TMEM178B: variants seen among roughly 807,000 people sequenced by gnomAD.
TMEM178B encodes the protein transmembrane protein 178B.
Under a neutral mutation model 31.0 loss-of-function variants are expected in TMEM178B, and 5 were observed. The observed-to-expected ratio is 0.16, with a 90% CI of 0.08 to 0.34. The LOEUF (loss-of-function observed/expected upper bound fraction) is 0.34, where lower values mean the gene tolerates loss of function less well. Among genes scored for constraint, TMEM178B ranks in the 10% least tolerant of loss-of-function variants. TMEM178B has a pLI of 1.00. For synonymous variants in TMEM178B, 164 were observed against 164.0 expected (o/e 1.00, Z 0.00); for missense variants, 275 against 400.3 (o/e 0.69, Z 2.67).
intron 2 of TMEM178B, among the ~76,000 whole-genome samples, chr7:141,266,861 T>A (rs950140062): frequency 3.3e-5 from 5 of 152,234 alleles, no homozygotes; most frequent in Non-Finnish European, 7.3e-5. Flanking sequence ...AGACCTGAGT[T>A]AGGGAGCATT....
intron 2 of TMEM178B, among the ~76,000 whole-genome samples, chr7:141,224,054 A>G (rs945223436): frequency 2.6e-5 from 4 of 152,142 alleles, no homozygotes; most frequent in African/African-American, 9.7e-5. Flanking sequence ...TTCTCATTGT[A>G]GTGAATAAGT....
At chr7:141,114,620 G>A (rs1453554619) in intron 1 of TMEM178B, among the ~76,000 whole-genome samples, 1 of 152,210 alleles carries the variant, frequency 6.6e-6, no homozygotes, top group Non-Finnish European at 1.5e-5. Context: ...TATTCTATTT[G>A]TCTCTTTCCA....
At chr7:141,246,025 A>G (rs1213650437) in intron 2 of TMEM178B, among the ~76,000 whole-genome samples, 1 of 152,136 alleles carries the variant, frequency 6.6e-6, no homozygotes, top group African/African-American at 2.4e-5. Context: ...AATTCCAACC[A>G]AACCTGTAAA....
chr7:141,282,151 A>G (rs994864345), intron 2 of TMEM178B, among the ~76,000 whole-genome samples: 1 of 152,202 alleles, frequency 6.6e-6, no homozygotes, highest in Non-Finnish European at 1.5e-5. Context: ...GAGCAGAACA[A>G]GAGGCACTCT....
chr7:141,243,314 C>A (rs559352141), intron 2 of TMEM178B, among the ~76,000 whole-genome samples: 1 of 151,960 alleles, frequency 6.6e-6, no homozygotes, highest in African/African-American at 2.4e-5. Flanking sequence ...TGACTCCAAC[C>A]GTTAACTTCT....
At chr7:141,296,210 G>C (rs1057206291) in intron 2 of TMEM178B, among the ~76,000 whole-genome samples, 1 of 152,144 alleles carries the variant, frequency 6.6e-6, no homozygotes, top group East Asian at 1.9e-4. Flanking sequence ...TGGGATTATA[G>C]TTGCGTACCA....
intron 1 of TMEM178B, among the ~76,000 whole-genome samples, chr7:141,125,130 C>A (rs780104108): frequency 3.3e-5 from 5 of 152,220 alleles, no homozygotes; most frequent in Admixed American, 6.5e-5. Flanking sequence ...AATTAGCAGA[C>A]AATCTCTCTC....
intron 1 of TMEM178B, among the ~76,000 whole-genome samples, chr7:141,075,499 A>G (rs1221814654): frequency 6.6e-6 from 1 of 152,256 alleles, no homozygotes; most frequent in Non-Finnish European, 1.5e-5. Flanking sequence ...ATACTTTAAT[A>G]TGATCACATT....
At chr7:141,286,955 A>C (rs562617897) in intron 2 of TMEM178B, among the ~76,000 whole-genome samples, 11 of 152,234 alleles carry the variant, frequency 7.2e-5, no homozygotes, top group African/African-American at 2.2e-4. Flanking sequence ...TAACTGTAAG[A>C]AAGTCCTTGA....
At chr7:141,388,633 T>C (rs970579293) in intron 2 of TMEM178B, among the ~76,000 whole-genome samples, 8 of 152,184 alleles carry the variant, frequency 5.3e-5, no homozygotes, top group African/African-American at 1.7e-4. Flanking sequence ...AATTGAAAAG[T>C]ACTAGAGTAA....
chr7:141,357,676 T>C (rs1799844413), intron 2 of TMEM178B, among the ~76,000 whole-genome samples: 1 of 152,240 alleles, frequency 6.6e-6, no homozygotes, highest in Non-Finnish European at 1.5e-5. Flanking sequence ...TTTATATGCA[T>C]CACTACTTCG....
intron 2 of TMEM178B, among the ~76,000 whole-genome samples, chr7:141,239,542 G>T (rs995799464): frequency 4.6e-5 from 7 of 152,186 alleles, no homozygotes; most frequent in Non-Finnish European, 1.0e-4. Context: ...GGCCAGGATT[G>T]ATTCCCCGGG....
chr7:141,302,404 G>A (rs1209570887), intron 2 of TMEM178B, among the ~76,000 whole-genome samples: 1 of 152,202 alleles, frequency 6.6e-6, no homozygotes, highest in Non-Finnish European at 1.5e-5. Flanking sequence ...ATAGTTATAT[G>A]AGTAGTCAAA....
In TMEM178B at chr7:141,474,266, TTTC is replaced by T. The variant is rs1233920963; in HGVS notation, c.*3488_*3490del. Reference sequence around the variant, plus strand: ...TTTCTCCTTATTTTGGGAGTTACGGTTTCTTCTTCTGTTTCCGTTTCCTCTCTC... The same window carrying T: ...TTTCTCCTTATTTTGGGAGTTACGGTTTCTTCTGTTTCCGTTTCCTCTCTC... On this transcript the variant is annotated 3_prime_UTR_variant, in exon 4 of 4. Transcript: ENST00000565468. 6.6e-6 allele frequency: 1 copy of T among 152,106 alleles called. No homozygotes were observed. The highest frequency in any genetic ancestry group is 1.9e-4 in the East Asian group (1 of 5,188). 9.4% of individuals were successfully genotyped at this position (152,106 alleles called of 1,614,324 possible). A position where few individuals can be genotyped will look rare whatever the true frequency, so the allele number is the denominator to read the frequency against.
At chr7:141,355,127 T>C (rs781120806) in intron 2 of TMEM178B, among the ~76,000 whole-genome samples, 1 of 152,202 alleles carries the variant, frequency 6.6e-6, no homozygotes, top group Non-Finnish European at 1.5e-5. Flanking sequence ...GATGAAGGGC[T>C]GTCCCTTGGG....
At chr7:141,254,261 T>C (rs940725107) in intron 2 of TMEM178B, among the ~76,000 whole-genome samples, 4 of 152,156 alleles carry the variant, frequency 2.6e-5, no homozygotes, top group Admixed American at 2.6e-4. Flanking sequence ...CTTTCAGAGG[T>C]AAGCCCTAAC....
At chr7:141,376,941 T>A (rs535569548) in intron 2 of TMEM178B, among the ~76,000 whole-genome samples, 2 of 152,076 alleles carry the variant, frequency 1.3e-5, no homozygotes, top group African/African-American at 4.8e-5. Flanking sequence ...GAAGAAATCA[T>A]TGACTGGAAA....
chr7:141,378,688 T>C (rs1274701454), intron 2 of TMEM178B, among the ~76,000 whole-genome samples: 1 of 152,232 alleles, frequency 6.6e-6, no homozygotes, highest in African/African-American at 2.4e-5. Flanking sequence ...CCAGGCTAAA[T>C]TAGAAAAGCA....
chr7:141,339,164 G>A (rs1799474485), intron 2 of TMEM178B, among the ~76,000 whole-genome samples: 1 of 152,112 alleles, frequency 6.6e-6, no homozygotes, highest in Non-Finnish European at 1.5e-5. Context: ...AGTTCCCTGG[G>A]GGCTGCTTTC....
Sources: allele counts gnomAD v4.1 joint callset (sites outside exome capture counted in the v4.1 genomes callset), GRCh38; gene constraint gnomAD v4.1.1; transcripts MANE v1.5; gene names NCBI Gene and HGNC (gene_info 2026-07-23, HGNC 2026-07-21).